OPCML: variants seen among roughly 807,000 people sequenced by gnomAD.
OPCML encodes opioid binding protein/cell adhesion molecule like.
Under a neutral mutation model 37.8 loss-of-function variants are expected in OPCML, and 13 were observed. That is an observed-to-expected ratio of 0.34 (90% CI 0.22 to 0.55). OPCML has a LOEUF of 0.55. Ranked by LOEUF, OPCML falls within the 20% of genes least tolerant of loss-of-function variation. The pLI is 0.91. For missense variants in OPCML, 341 were observed against 435.6 expected (o/e 0.78, Z 1.93); for synonymous variants, 176 against 168.8 (o/e 1.04, Z -0.33).
chr11:132,781,536 A>G (rs1023228563), intron 2 of OPCML, among the ~76,000 whole-genome samples: 1 of 151,646 alleles, frequency 6.6e-6, no homozygotes, highest in East Asian at 1.9e-4. Context: ...GACTGTGTGA[A>G]CCAATTCCTT....
intron 3 of OPCML, among the ~76,000 whole-genome samples, chr11:132,529,900 A>G (rs2096319469): frequency 6.6e-6 from 1 of 152,170 alleles, no homozygotes; most frequent in African/African-American, 2.4e-5. Flanking sequence ...ATGGCATCAT[A>G]TCCTACTGGT....
chr11:133,006,977 A>C, intron 1 of OPCML: 1 of 985,450 alleles, frequency 1.0e-6, no homozygotes, highest in Non-Finnish European at 1.2e-6. Context: ...CTGAACTGTT[A>C]ATCCTTCTCC....
intron 1 of OPCML, among the ~76,000 whole-genome samples, chr11:133,324,053 G>C (rs1943396824): frequency 6.6e-6 from 1 of 152,142 alleles, no homozygotes; most frequent in Admixed American, 6.5e-5. Flanking sequence ...AAATACAAAA[G>C]GCCTCCCTGT....
intron 4 of OPCML, among the ~76,000 whole-genome samples, chr11:132,488,324 A>G (rs1330841484): frequency 6.6e-6 from 1 of 152,188 alleles, no homozygotes; most frequent in East Asian, 1.9e-4. Context: ...AGGCGGTGTC[A>G]TTCTTGTGTG....
At chr11:133,373,649 AAAAGAAAAAAAC>A (rs1418560763) in intron 1 of OPCML, among the ~76,000 whole-genome samples, 3 of 151,388 alleles carry the variant, frequency 2.0e-5, no homozygotes, top group Non-Finnish European at 4.4e-5. Flanking sequence ...AAAGAAAAGA[AAAAGAAAAAAAC>A]AAAGAAAATA....
intron 4 of OPCML, among the ~76,000 whole-genome samples, chr11:132,477,989 T>A (rs2096163177): frequency 1.3e-5 from 2 of 152,352 alleles, no homozygotes; most frequent in East Asian, 3.9e-4. Context: ...CTTATTCATT[T>A]TTAAATATAT....
In OPCML at chr11:132,951,027, G is replaced by A. The variant is rs138048222; in HGVS notation, c.62-8017C>T. On this transcript the variant is annotated intron_variant, in intron 1 of 7. Coordinates refer to ENST00000524381, the MANE Select transcript of OPCML (RefSeq NM_001012393.5). ...TGATCTAGGTGGACTGTGTGCCTGCGCTCTAGAGTGCAGCAGGGAAGACTG... is the reference window on the plus strand; with the variant it reads ...TGATCTAGGTGGACTGTGTGCCTGCACTCTAGAGTGCAGCAGGGAAGACTG... 3.4e-3 allele frequency among the ~76,000 whole-genome samples: 514 copies of A among 152,240 alleles called. 3 individuals are homozygous for A. The highest frequency in any genetic ancestry group is 3.2e-3 in the Non-Finnish European group (215 of 68,020).
intron 1 of OPCML, among the ~76,000 whole-genome samples, chr11:133,003,170 G>A (rs1178619816): frequency 1.3e-5 from 2 of 152,094 alleles, no homozygotes. Context: ...AGCTTCCTGT[G>A]GCTGCTATAA....
chr11:132,656,944 A>C, intron 3 of OPCML, 143 bp downstream of exon 3: 1 of 1,421,870 alleles, frequency 7.0e-7, no homozygotes, highest in South Asian at 1.5e-5. Context: ...GATGGGAAAC[A>C]TTCCAAGACA....
intron 1 of OPCML, among the ~76,000 whole-genome samples, chr11:133,243,850 C>T (rs923570288): frequency 6.6e-6 from 1 of 152,234 alleles, no homozygotes; most frequent in Non-Finnish European, 1.5e-5. Context: ...GGACTTCATC[C>T]TATTTGGGGA....
intron 1 of OPCML, among the ~76,000 whole-genome samples, chr11:133,479,492 AT>A (rs1335553022): frequency 6.6e-6 from 1 of 152,236 alleles, no homozygotes; most frequent in East Asian, 1.9e-4. Flanking sequence ...ATGTGTTGTC[AT>A]TACTGTCAGA....
intron 1 of OPCML, among the ~76,000 whole-genome samples, chr11:133,293,554 C>T (rs946482477): frequency 1.3e-5 from 2 of 152,058 alleles, no homozygotes; most frequent in Non-Finnish European, 2.9e-5. Context: ...TCTCTCCTTC[C>T]CATCTGAGCC....
At chr11:132,587,510 C>G (rs767515155) in intron 3 of OPCML, among the ~76,000 whole-genome samples, 38 of 152,170 alleles carry the variant, frequency 2.5e-4, no homozygotes, top group Non-Finnish European at 5.1e-4. Flanking sequence ...GCAAATGTGC[C>G]TCTCCCCCAG....
intron 1 of OPCML, among the ~76,000 whole-genome samples, chr11:133,225,204 T>A (rs1939990965): frequency 6.6e-6 from 1 of 152,218 alleles, no homozygotes; most frequent in Non-Finnish European, 1.5e-5. Flanking sequence ...TGGAAAATAT[T>A]CTTTGGTGCC....
At chr11:132,991,075 ACTGCC>A (rs1946765301) in intron 1 of OPCML, among the ~76,000 whole-genome samples, 2 of 152,210 alleles carry the variant, frequency 1.3e-5, no homozygotes, top group African/African-American at 4.8e-5. Flanking sequence ...TCTGACATGT[ACTGCC>A]CATAGGATTG....
intron 3 of OPCML, among the ~76,000 whole-genome samples, chr11:132,572,234 G>A (rs1006313551): frequency 3.3e-5 from 5 of 151,860 alleles, no homozygotes; most frequent in Non-Finnish European, 5.9e-5. Context: ...CTGTTTATGT[G>A]ATTGATAGAT....
At chr11:132,717,663 C>T (rs555867285) in intron 2 of OPCML, among the ~76,000 whole-genome samples, 10 of 151,974 alleles carry the variant, frequency 6.6e-5, no homozygotes, top group South Asian at 4.2e-4. Context: ...TTCCCTTATC[C>T]GAAACAAACA....
chr11:133,142,559 C>T (rs1169296552), intron 1 of OPCML, among the ~76,000 whole-genome samples: 1 of 152,178 alleles, frequency 6.6e-6, no homozygotes, highest in Non-Finnish European at 1.5e-5. Flanking sequence ...ATTTTAATCC[C>T]TAGACTATCA....
intron 1 of OPCML, among the ~76,000 whole-genome samples, chr11:133,157,910 G>GC (rs922288658): frequency 6.6e-6 from 1 of 152,170 alleles, no homozygotes; most frequent in Non-Finnish European, 1.5e-5. Context: ...CATTCTGCTT[G>GC]CCCCGGGGGG....
Sources: gnomAD v4.1 joint callset for allele counts (sites outside exome capture counted in the v4.1 genomes callset) on GRCh38, gnomAD v4.1.1 for gene constraint, MANE v1.5 for transcripts, NCBI Gene and HGNC (gene_info 2026-07-23, HGNC 2026-07-21) for gene names.